The following ELAVL2 variants were observed in gnomAD, a reference collection of about 807,000 sequenced individuals.
ELAVL2 encodes ELAV-like protein 2.
Under a neutral mutation model 34.6 loss-of-function variants are expected in ELAVL2, and 4 were observed. That is an observed-to-expected ratio of 0.12 (90% CI 0.06 to 0.26). The LOEUF is 0.26. Among genes scored for constraint, ELAVL2 ranks in the 10% least tolerant of loss-of-function variants. The pLI, the probability that ELAVL2 is intolerant of heterozygous loss-of-function variation, is 1.00. For synonymous variants in ELAVL2, 193 were observed against 154.8 expected (o/e 1.25, Z -1.83); for missense variants, 432 against 442.8 (o/e 0.98, Z 0.22).
intron 2 of ELAVL2, among the ~76,000 whole-genome samples, chr9:23,748,236 G>T (rs1418253038): frequency 6.6e-6 from 1 of 152,042 alleles, no homozygotes. Context: ...CTACAGAAGA[G>T]AATTTCTAAC....
upstream of ELAVL2, among the ~76,000 whole-genome samples, chr9:23,826,590 A>G (rs1436399924): frequency 6.6e-6 from 1 of 152,234 alleles, no homozygotes. Context: ...AGAAATGTGG[A>G]GAGAGCAACG....
intron 1 of ELAVL2, among the ~76,000 whole-genome samples, chr9:23,793,667 T>C (rs543903762): frequency 1.3e-4 from 20 of 152,314 alleles, no homozygotes; most frequent in African/African-American, 3.4e-4. Flanking sequence ...TGGATCCTTA[T>C]TGATTTTCAT....
chr9:23,721,234 G>T (rs1383029743), intron 3 of ELAVL2, among the ~76,000 whole-genome samples: 1 of 152,186 alleles, frequency 6.6e-6, no homozygotes, highest in African/African-American at 2.4e-5. Flanking sequence ...CAAGAACCCA[G>T]ACTGGCTGGA....
rs1020796771 is a variant in ELAVL2 at position 23,751,436 on chromosome 9, G to A, written c.229+10570C>T. On this transcript the variant is annotated intron_variant, in intron 2 of 6. Transcript: ENST00000397312. Reference sequence around the variant, plus strand: ...GACTGAATGAAGAAATGCTTTAGATGTTTTCAATGAATATTTCAATGGAAA... The same window carrying A: ...GACTGAATGAAGAAATGCTTTAGATATTTTCAATGAATATTTCAATGGAAA... Among the ~76,000 whole-genome samples, 3 of 152,124 alleles carry A rather than the reference G, an allele frequency of 2.0e-5. No homozygotes were observed. In the East Asian group the frequency reaches 5.8e-4, roughly 29 times the overall value.
chr9:23,835,299 T>C, the ELAVL2 span, among the ~76,000 whole-genome samples: 14 of 152,216 alleles, frequency 9.2e-5, no homozygotes, highest in African/African-American at 3.4e-4. Flanking sequence ...TATGCATACA[T>C]TATTCTTATT....
At chr9:23,771,108 G>T (rs905437603) in intron 1 of ELAVL2, among the ~76,000 whole-genome samples, 1 of 152,194 alleles carries the variant, frequency 6.6e-6, no homozygotes, top group Non-Finnish European at 1.5e-5. Context: ...AGTGAGTTTG[G>T]AAACAGACCA....
intron 1 of ELAVL2, among the ~76,000 whole-genome samples, chr9:23,791,470 T>C (rs1198975813): frequency 6.6e-6 from 1 of 151,662 alleles, no homozygotes; most frequent in African/African-American, 2.4e-5. Context: ...GAAAACAGGG[T>C]TGTGTAGTTC....
intron 3 of ELAVL2, among the ~76,000 whole-genome samples, chr9:23,706,400 C>G (rs1297175121): frequency 6.6e-6 from 1 of 152,144 alleles, no homozygotes; most frequent in African/African-American, 2.4e-5. Context: ...AATAATACCC[C>G]ATTGATCATG....
intron 1 of ELAVL2, among the ~76,000 whole-genome samples, chr9:23,785,763 C>A (rs1055110316): frequency 4.6e-5 from 7 of 152,174 alleles, no homozygotes; most frequent in African/African-American, 1.7e-4. Flanking sequence ...CAGCTCCAGT[C>A]TGAGCAGAAT....
intron 1 of ELAVL2, among the ~76,000 whole-genome samples, chr9:23,774,021 C>T (rs143889147): frequency 0.14 from 21,312 of 151,660 alleles, 1,944 homozygotes; most frequent in South Asian, 0.25. Context: ...ACCACCCTGG[C>T]TAACACGGTG....
At chr9:23,706,811 T>C (rs2039477874) in intron 3 of ELAVL2, among the ~76,000 whole-genome samples, 1 of 152,234 alleles carries the variant, frequency 6.6e-6, no homozygotes, top group African/African-American at 2.4e-5. Context: ...CCCCATAATT[T>C]GAATTGTGCC....
chr9:23,755,464 G>C (rs776413309), intron 2 of ELAVL2, among the ~76,000 whole-genome samples: 7 of 151,994 alleles, frequency 4.6e-5, no homozygotes, highest in Non-Finnish European at 8.8e-5. Flanking sequence ...TTAAATGACT[G>C]CAAGACCTTT....
intron 1 of ELAVL2, among the ~76,000 whole-genome samples, chr9:23,785,292 A>G (rs1284980155): frequency 1.3e-5 from 2 of 152,222 alleles, no homozygotes; most frequent in East Asian, 1.9e-4. Flanking sequence ...AGGAAGATGA[A>G]CAAGAAAGAT....
intron 2 of ELAVL2, among the ~76,000 whole-genome samples, chr9:23,747,088 C>T (rs1588041154): frequency 6.6e-6 from 1 of 151,776 alleles, no homozygotes; most frequent in Admixed American, 6.6e-5. Flanking sequence ...CCTACCTTAT[C>T]CTTGGGGGTT....
intron 1 of ELAVL2, among the ~76,000 whole-genome samples, chr9:23,771,602 T>C (rs757163759): frequency 6.6e-6 from 1 of 152,270 alleles, no homozygotes; most frequent in Middle Eastern, 3.4e-3. Flanking sequence ...TAGGAGCAAA[T>C]ATAAAATCAC....
At position 23,733,172 on chromosome 9, in the gene ELAVL2, T is replaced by TAAA. The variant is rs397953305; in HGVS notation, c.230-2050_230-2048dup. ...CTGCAATGGAATCATCTAGAAAGCT[T>TAAA]AAAAAAAAAAAAAAAAAAAACTAAA... On this transcript the variant is annotated intron_variant, in intron 2 of 6. Transcript: ENST00000397312. Among the ~76,000 whole-genome samples the TAAA allele has an allele frequency of 5.4e-3, 563 of 104,530 alleles. 2 individuals are homozygous for TAAA. The highest frequency in any genetic ancestry group is 8.2e-3 in the South Asian group (27 of 3,278). 68.6% of individuals were successfully genotyped at this position (104,530 alleles called of 152,430 possible).
intron 3 of ELAVL2, among the ~76,000 whole-genome samples, chr9:23,725,203 C>T (rs368064514): frequency 1.2e-4 from 18 of 152,234 alleles, no homozygotes; most frequent in Admixed American, 6.5e-4. Context: ...CAAAACCCTC[C>T]GGTGCCCCTT....
intron 1 of ELAVL2, among the ~76,000 whole-genome samples, chr9:23,813,021 G>A (rs920944863): frequency 4.6e-5 from 7 of 152,076 alleles, no homozygotes; most frequent in African/African-American, 1.7e-4. Context: ...AGAAATGTAA[G>A]TGCTTAAAGT....
chr9:23,763,284 G>A (rs551846827), intron 1 of ELAVL2, among the ~76,000 whole-genome samples: 2 of 152,164 alleles, frequency 1.3e-5, no homozygotes, highest in South Asian at 4.1e-4. Flanking sequence ...TTATTAAGCA[G>A]TATTAAATCT....
Sources: allele counts gnomAD v4.1 joint callset (sites outside exome capture counted in the v4.1 genomes callset), GRCh38; gene constraint gnomAD v4.1.1; transcripts MANE v1.5; gene names NCBI Gene and HGNC (gene_info 2026-07-23, HGNC 2026-07-21).